The following CDH4 variants were observed in gnomAD, a reference collection of about 807,000 sequenced individuals.
CDH4 encodes the protein cadherin-4.
A neutral mutation model predicts 86.0 loss-of-function variants in CDH4; 33 were observed. The observed-to-expected ratio is 0.38, with a 90% confidence interval of 0.29 to 0.51. The LOEUF is 0.51. Among genes scored for constraint, CDH4 ranks in the 20% least tolerant of loss-of-function variants. The probability of loss-of-function intolerance (pLI) is 0.86; values close to 1 mark genes in which losing one functional copy is unlikely to be tolerated. For missense variants in CDH4, 1,114 were observed against 1,307.4 expected, an observed-to-expected ratio of 0.85 and a Z score of 2.28; for synonymous variants, 555 against 549.4, an observed-to-expected ratio of 1.01 and a Z score of -0.14.
chr20:61,806,985 A>G lies in CDH4; in HGVS notation c.576+33803A>G, dbSNP rs180936031. On this transcript the variant is annotated intron_variant, in intron 4 of 15. Transcript: ENST00000614565. ...GGGGGCTTCTCCAAATCACAGCTAC[A>G]CTTTGACAGGGGATCTTTTTTTAAC... 2.6e-3 allele frequency among the ~76,000 whole-genome samples: 391 copies of G among 152,308 alleles called. 2 individuals carry two copies. The highest frequency in any genetic ancestry group is 9.0e-3 in the African/African-American group (372 of 41,552).
chr20:61,725,103 C>T (rs1158760847), intron 2 of CDH4, among the ~76,000 whole-genome samples: 1 of 152,138 alleles, frequency 6.6e-6, no homozygotes, highest in South Asian at 2.1e-4. Context: ...CAGAGTGAGA[C>T]CCTGTCTCTA....
At chr20:61,621,131 G>T (rs1329638155) in intron 2 of CDH4, among the ~76,000 whole-genome samples, 1 of 152,236 alleles carries the variant, frequency 6.6e-6, no homozygotes, top group Admixed American at 6.5e-5. Context: ...TTTAGTCAAA[G>T]GTGAGCATTG....
At chr20:61,642,969 C>A (rs1568729694) in intron 2 of CDH4, among the ~76,000 whole-genome samples, 1 of 152,208 alleles carries the variant, frequency 6.6e-6, no homozygotes, top group Non-Finnish European at 1.5e-5. Context: ...ACAAGATGAT[C>A]CCCTCATCTC....
At chr20:61,326,942 A>G (rs957097403) in intron 2 of CDH4, among the ~76,000 whole-genome samples, 2 of 152,186 alleles carry the variant, frequency 1.3e-5, no homozygotes, top group African/African-American at 4.8e-5. Context: ...CTGCCTTCCT[A>G]TATGTCATCT....
At chr20:61,321,391 T>G (rs1160029421) in intron 2 of CDH4, among the ~76,000 whole-genome samples, 1 of 152,234 alleles carries the variant, frequency 6.6e-6, no homozygotes, top group Non-Finnish European at 1.5e-5. Flanking sequence ...CTTTGCTTTT[T>G]TGCTGGAAAT....
At chr20:61,818,063 T>C (rs1479985242) in intron 4 of CDH4, among the ~76,000 whole-genome samples, 2 of 152,068 alleles carry the variant, frequency 1.3e-5, no homozygotes, top group Non-Finnish European at 2.9e-5. Context: ...GGAGTCTCGC[T>C]CTGTCACCCA....
At chr20:61,489,496 C>T (rs1314649356) in intron 2 of CDH4, among the ~76,000 whole-genome samples, 1 of 152,140 alleles carries the variant, frequency 6.6e-6, no homozygotes, top group Non-Finnish European at 1.5e-5. Context: ...ACTTTTGCAC[C>T]CACCTAATAG....
chr20:61,391,173 A>G (rs6061657), intron 2 of CDH4, among the ~76,000 whole-genome samples: 99,543 of 151,734 alleles, frequency 0.66, 35,075 homozygotes, highest in East Asian at 0.94. Context: ...AAACACCCCC[A>G]AGATGTGCCC....
intron 2 of CDH4, among the ~76,000 whole-genome samples, chr20:61,546,752 C>T (rs1439536227): frequency 6.6e-6 from 1 of 152,060 alleles, no homozygotes; most frequent in Non-Finnish European, 1.5e-5. Flanking sequence ...ACCAGGAGGA[C>T]CCAGGGCAAC....
At chr20:61,759,135 C>T (rs973128752) in intron 3 of CDH4, among the ~76,000 whole-genome samples, 1 of 152,102 alleles carries the variant, frequency 6.6e-6, no homozygotes, top group African/African-American at 2.4e-5. Flanking sequence ...TGTTCAGAGC[C>T]CCCCAAGCAG....
chr20:61,602,266 C>T (rs917254092), intron 2 of CDH4, among the ~76,000 whole-genome samples: 3 of 152,118 alleles, frequency 2.0e-5, no homozygotes, highest in Admixed American at 1.3e-4. Context: ...TGCATTTCAG[C>T]GATGGGCTCA....
rs2086793481 is a variant in CDH4, at chr20:61,623,119, A to T, written c.170-120444A>T. 6.6e-6 allele frequency among the ~76,000 whole-genome samples: 1 copy of T among 152,190 alleles called. No individual in the cohort carries two copies. Among genetic ancestry groups the T allele is most frequent in the South Asian group, 2.1e-4 (1 of 4,832 alleles). ...CATAAGACGTGTGGGTTGGAGATGG[A>T]TGCAGAGAAGTGGAGTTTCCAGATG... On this transcript the variant is annotated intron_variant, in intron 2 of 15. Transcript: ENST00000614565. The surrounding 1 kb of genome is among the most constrained non-coding windows in gnomAD (Gnocchi z 4.4).
intron 2 of CDH4, among the ~76,000 whole-genome samples, chr20:61,537,067 G>C (rs1474343808): frequency 6.6e-6 from 1 of 152,190 alleles, no homozygotes; most frequent in Non-Finnish European, 1.5e-5. Flanking sequence ...TCCCCTCCCT[G>C]CAGGGCTGGT....
intron 4 of CDH4, among the ~76,000 whole-genome samples, chr20:61,842,318 C>T (rs1217419938): frequency 6.6e-6 from 1 of 152,206 alleles, no homozygotes; most frequent in East Asian, 1.9e-4. Flanking sequence ...GGGGCAGTTG[C>T]AGTGGTCATA....
At chr20:61,699,338 C>T (rs1373959597) in intron 2 of CDH4, among the ~76,000 whole-genome samples, 2 of 152,182 alleles carry the variant, frequency 1.3e-5, no homozygotes, top group Non-Finnish European at 2.9e-5. Context: ...CGCCCCCAGT[C>T]ATCACAAGCC....
intron 11 of CDH4, among the ~76,000 whole-genome samples, chr20:61,927,872 C>T (rs112769513): frequency 0.012 from 1,828 of 152,022 alleles, 31 homozygotes; most frequent in African/African-American, 0.038. Context: ...AGGTGCCGTG[C>T]GCAGTGGCTG....
At chr20:61,823,099 T>C (rs945734662) in intron 4 of CDH4, among the ~76,000 whole-genome samples, 1 of 152,116 alleles carries the variant, frequency 6.6e-6, no homozygotes, top group East Asian at 1.9e-4. Context: ...GAGAATTCTC[T>C]TGCTTGGGGA....
chr20:61,561,638 T>A (rs183638445), intron 2 of CDH4, among the ~76,000 whole-genome samples: 2 of 152,352 alleles, frequency 1.3e-5, no homozygotes, highest in East Asian at 3.9e-4. Context: ...TGCCTGTTTT[T>A]ACAAATAAAG....
chr20:61,790,169 C>T lies in CDH4; in HGVS notation c.576+16987C>T, dbSNP rs536359380. Among the ~76,000 whole-genome samples, 23 of 151,620 alleles carry T rather than the reference C, an allele frequency of 1.5e-4. No individual in the cohort carries two copies. In the South Asian group the frequency reaches 3.1e-3, roughly 21 times the overall value. ...CCACACACCCACCCATCTACCCATC[C>T]GTCATCCATTCATCCATCCATCCAC... On this transcript the variant is annotated intron_variant, in intron 4 of 15. Coordinates refer to ENST00000614565, the MANE Select transcript of CDH4 (RefSeq NM_001794.5).
Sources: gnomAD v4.1 joint callset for allele counts (sites outside exome capture counted in the v4.1 genomes callset) on GRCh38, gnomAD v4.1.1 for gene constraint, Gnocchi (gnomAD v3.1) non-coding constraint, MANE v1.5 for transcripts, NCBI Gene and HGNC (gene_info 2026-07-23, HGNC 2026-07-21) for gene names.